The following UGGT2 variants were observed in gnomAD, a reference collection of about 807,000 sequenced individuals.
The protein encoded by UGGT2 is UDP-glucose:glycoprotein glucosyltransferase 2.
In UGGT2, 180 loss-of-function variants were observed where a neutral mutation model predicts 192.1. The observed-to-expected ratio is 0.94, with a 90% CI of 0.83 to 1.06. The LOEUF is 1.06. UGGT2 is among the 50% of genes least tolerant of loss of function. The pLI, the probability that UGGT2 is intolerant of heterozygous loss-of-function variation, is 0.00. For synonymous variants in UGGT2, 580 were observed against 591.0 expected (o/e 0.98, Z 0.27); for missense variants, 1,849 against 1,795.7 (o/e 1.03, Z -0.54).
chr13:95,928,478 C>A (rs1211724357), intron 17 of UGGT2, among the ~76,000 whole-genome samples: 2 of 148,790 alleles, frequency 1.3e-5, no homozygotes, highest in Non-Finnish European at 3.0e-5. Flanking sequence ...ACTTCTCAGA[C>A]GGGGCAGCCG....
At chr13:96,019,290 T>G (rs767441009) in intron 4 of UGGT2, among the ~76,000 whole-genome samples, 1 of 152,154 alleles carries the variant, frequency 6.6e-6, no homozygotes, top group Non-Finnish European at 1.5e-5. Context: ...AACATTAGTA[T>G]GTTTACATGG....
At position 95,947,870 on chromosome 13, in the gene UGGT2, C is replaced by A. The variant is rs566551858; in HGVS notation, c.1541+126G>T. The A allele has an allele frequency of 6.1e-5, 40 of 659,956 alleles. No individual in the cohort carries two copies. In the Admixed American group the frequency reaches 9.1e-4, roughly 15 times the overall value. The allele number at this position is 659,956 out of a possible 1,614,324, so 40.9% of individuals were successfully genotyped here. A position where few individuals can be genotyped will look rare whatever the true frequency, so the allele number is the denominator to read the frequency against. ...GTATATAATACTTCACAACGTGCAG[C>A]TGTGTTATGTCAGGCACTAGAGCTA... On this transcript the variant is annotated intron_variant, in intron 14 of 38. Transcript: ENST00000376747.
chr13:95,913,789 A>T (rs2048583068), intron 20 of UGGT2, among the ~76,000 whole-genome samples: 1 of 152,212 alleles, frequency 6.6e-6, no homozygotes, highest in Admixed American at 6.5e-5. Flanking sequence ...ATGCACATGT[A>T]TGTTTATTGT....
At chr13:95,966,176 T>C (rs945692466) in intron 12 of UGGT2, among the ~76,000 whole-genome samples, 1 of 152,186 alleles carries the variant, frequency 6.6e-6, no homozygotes, top group Non-Finnish European at 1.5e-5. Flanking sequence ...GGATAAAGAA[T>C]ATGTGGTATA....
At chr13:95,864,656 T>A (rs1033195560) in intron 30 of UGGT2, among the ~76,000 whole-genome samples, 1 of 152,216 alleles carries the variant, frequency 6.6e-6, no homozygotes. Context: ...ACAGACATAA[T>A]CTTTTCCAGT....
intron 38 of UGGT2, among the ~76,000 whole-genome samples, chr13:95,820,153 A>AAAATAAAT (rs58619571): frequency 1.3e-5 from 2 of 151,228 alleles, no homozygotes; most frequent in African/African-American, 4.9e-5. Flanking sequence ...ACTGTCTCAA[A>AAAATAAAT]AAATAAATAA....
intron 20 of UGGT2, among the ~76,000 whole-genome samples, chr13:95,912,102 T>G (rs930797482): frequency 5.9e-5 from 9 of 152,168 alleles, no homozygotes; most frequent in South Asian, 2.1e-4. Context: ...TAATAAGAGC[T>G]ATTTATGACA....
At chr13:96,045,826 G>C (rs2053294031) in intron 1 of UGGT2, among the ~76,000 whole-genome samples, 1 of 152,262 alleles carries the variant, frequency 6.6e-6, no homozygotes, top group South Asian at 2.1e-4. Context: ...ACTGCTGAAA[G>C]AAATCATAGA....
At chr13:95,842,747 G>A (rs920452549) in intron 36 of UGGT2, among the ~76,000 whole-genome samples, 1 of 152,176 alleles carries the variant, frequency 6.6e-6, no homozygotes, top group Non-Finnish European at 1.5e-5. Context: ...AGAAACTGAT[G>A]ACTGCCTATA....
At chr13:96,023,789 GT>G in intron 2 of UGGT2, 30 bp from the exon 3 acceptor site, 1 of 1,553,800 alleles carries the variant, frequency 6.4e-7, no homozygotes, top group Non-Finnish European at 8.8e-7. Context: ...GAAAATAAAT[GT>G]TAGCATTTTA....
chr13:95,885,030 T>C (rs995197695), intron 26 of UGGT2, among the ~76,000 whole-genome samples: 4 of 152,212 alleles, frequency 2.6e-5, no homozygotes, highest in Non-Finnish European at 5.9e-5. Context: ...ATGGTCTATT[T>C]TTCAGCTATT....
chr13:95,967,847 G>C (rs923921079), intron 12 of UGGT2, among the ~76,000 whole-genome samples: 4 of 152,050 alleles, frequency 2.6e-5, no homozygotes, highest in African/African-American at 9.7e-5. Flanking sequence ...TAGGTATTGA[G>C]ATATTATTTC....
intron 5 of UGGT2, among the ~76,000 whole-genome samples, chr13:95,999,841 C>T (rs1265410096): frequency 6.6e-6 from 1 of 152,084 alleles, no homozygotes; most frequent in East Asian, 1.9e-4. Flanking sequence ...TAAAATATAC[C>T]AAATGCCACA....
Position 95,860,782 on chromosome 13 carries a change from A to G in UGGT2, c.3740+6T>C. On this transcript the variant is annotated splice_donor_region_variant and intron_variant, in intron 32 of 38. Transcript: ENST00000376747. ...TTCAAAATATAAGGTTAAAAAATATACCTACCTTAAAAAACGTTCATATAA... is the reference window on the plus strand; with the variant it reads ...TTCAAAATATAAGGTTAAAAAATATGCCTACCTTAAAAAACGTTCATATAA... 1 of 1,478,340 alleles carries G rather than the reference A, an allele frequency of 6.8e-7. No homozygotes were observed. The highest frequency in any genetic ancestry group is 9.1e-7 in the Non-Finnish European group (1 of 1,103,994). 91.6% of individuals were successfully genotyped at this position (1,478,340 alleles called of 1,614,324 possible).
chr13:95,825,998 G>C (rs1023386948), intron 38 of UGGT2, among the ~76,000 whole-genome samples: 1 of 151,880 alleles, frequency 6.6e-6, no homozygotes, highest in African/African-American at 2.4e-5. Flanking sequence ...GGAATACAAG[G>C]ATGCTTCAAT....
chr13:95,846,235 C>T (rs918534924), intron 36 of UGGT2, among the ~76,000 whole-genome samples: 15 of 152,130 alleles, frequency 9.9e-5, no homozygotes, highest in Non-Finnish European at 7.3e-5. Flanking sequence ...CCAGCCTGGC[C>T]GACACGGCGA....
intron 19 of UGGT2, among the ~76,000 whole-genome samples, chr13:95,926,782 ATTCTT>A (rs1356940817): frequency 6.6e-6 from 1 of 152,182 alleles, no homozygotes; most frequent in Non-Finnish European, 1.5e-5. Context: ...AAAAGATTTT[ATTCTT>A]TTCTTAAAAA....
At chr13:96,041,846 C>A (rs2139201553) in intron 1 of UGGT2, among the ~76,000 whole-genome samples, 1 of 152,108 alleles carries the variant, frequency 6.6e-6, no homozygotes, top group Middle Eastern at 3.4e-3. Flanking sequence ...CCACCCCCAT[C>A]CCCCACAGCA....
chr13:95,859,811 G>C, intron 32 of UGGT2, 136 bp from the exon 33 acceptor site: 1 of 571,034 alleles, frequency 1.8e-6, no homozygotes, highest in Non-Finnish European at 3.0e-6. Context: ...TACATGTGCA[G>C]AACATACAGG....
Sources: allele counts gnomAD v4.1 joint callset (sites outside exome capture counted in the v4.1 genomes callset), GRCh38; gene constraint gnomAD v4.1.1; transcripts MANE v1.5; gene names NCBI Gene and HGNC (gene_info 2026-07-23, HGNC 2026-07-21).